The following INPP4B variants were observed in gnomAD, a reference collection of about 807,000 sequenced individuals.
The protein encoded by INPP4B is inositol polyphosphate-4-phosphatase type II B, also known as inositol polyphosphate 4-phosphatase type II.
Under a neutral mutation model 122.5 loss-of-function variants are expected in INPP4B, and 55 were observed. The observed-to-expected ratio is 0.45, with a 90% CI of 0.36 to 0.56. The LOEUF (loss-of-function observed/expected upper bound fraction) is 0.56, where lower values mean the gene tolerates loss of function less well. Ranked by LOEUF, INPP4B falls within the 20% of genes least tolerant of loss-of-function variation. The pLI is 0.00. For synonymous variants in INPP4B, 403 were observed against 388.7 expected (o/e 1.04, Z -0.43); for missense variants, 1,000 against 1,097.7 (o/e 0.91, Z 1.26).
intron 2 of INPP4B, among the ~76,000 whole-genome samples, chr4:142,467,666 G>A (rs1818049458): frequency 6.6e-6 from 1 of 152,050 alleles, no homozygotes; most frequent in African/African-American, 2.4e-5. Flanking sequence ...GAGGACTATT[G>A]GAAAGGCATG....
intron 2 of INPP4B, among the ~76,000 whole-genome samples, chr4:142,639,898 T>C (rs1056626131): frequency 1.3e-5 from 2 of 152,126 alleles, no homozygotes; most frequent in Non-Finnish European, 2.9e-5. Context: ...TACCCATGTA[T>C]CTCATCTACT....
At chr4:142,225,214 T>A (rs1851017893) in intron 12 of INPP4B, among the ~76,000 whole-genome samples, 1 of 152,172 alleles carries the variant, frequency 6.6e-6, no homozygotes, top group Admixed American at 6.5e-5. Flanking sequence ...GCTGGATGTT[T>A]CCTGCTCTCG....
chr4:142,838,905 A>C (rs1182160677), intron 1 of INPP4B, among the ~76,000 whole-genome samples: 7 of 152,248 alleles, frequency 4.6e-5, no homozygotes, highest in Non-Finnish European at 1.0e-4. Flanking sequence ...CACTCACCAC[A>C]GACTGCCCTA....
At chr4:142,722,358 A>G (rs1764800155) in intron 2 of INPP4B, among the ~76,000 whole-genome samples, 1 of 152,212 alleles carries the variant, frequency 6.6e-6, no homozygotes, top group Non-Finnish European at 1.5e-5. Context: ...CTAAGCAAAG[A>G]CAAGAATGTT....
intron 15 of INPP4B, among the ~76,000 whole-genome samples, chr4:142,192,421 C>G (rs61637657): frequency 0.059 from 8,501 of 143,954 alleles, 836 homozygotes; most frequent in African/African-American, 0.2. Flanking sequence ...GGATAATGCA[C>G]TTTATGTTTT....
chr4:142,417,041 A>G lies in INPP4B; in HGVS notation c.137-11717T>C, dbSNP rs532277362. ...AACCGAGATCAGACAACTTCGTGGGAAAGAGTAGTTCTAAGAGGATCAGTG... is the reference window on the plus strand; with the variant it reads ...AACCGAGATCAGACAACTTCGTGGGGAAGAGTAGTTCTAAGAGGATCAGTG... On this transcript the variant is annotated intron_variant, in intron 5 of 25. Coordinates refer to ENST00000262992, the MANE Select transcript of INPP4B (RefSeq NM_001101669.3). Among the ~76,000 whole-genome samples, 105 of 152,220 alleles carry G rather than the reference A, an allele frequency of 6.9e-4. 3 individuals are homozygous for G. The South Asian group carries it at 0.02, about 30-fold the overall frequency.
chr4:142,613,752 G>T (rs982874887), intron 2 of INPP4B, among the ~76,000 whole-genome samples: 4 of 152,174 alleles, frequency 2.6e-5, no homozygotes, highest in Non-Finnish European at 5.9e-5. Flanking sequence ...TGCTTGGCTA[G>T]CTTCACTTGT....
At chr4:142,594,287 C>A (rs191885269) in intron 2 of INPP4B, among the ~76,000 whole-genome samples, 99 of 152,158 alleles carry the variant, frequency 6.5e-4, no homozygotes, top group Non-Finnish European at 1.0e-4. Context: ...AATGTGTTTA[C>A]TGAGGCAAAG....
At chr4:142,030,175 C>A in intron 25 of INPP4B, 1 of 1,535,542 alleles carries the variant, frequency 6.5e-7, no homozygotes, top group Non-Finnish European at 8.7e-7. Flanking sequence ...ATAAGCCACA[C>A]AACTAGCAGG....
intron 16 of INPP4B, among the ~76,000 whole-genome samples, chr4:142,166,212 T>C (rs574849552): frequency 7.9e-5 from 12 of 151,798 alleles, no homozygotes; most frequent in Non-Finnish European, 1.8e-4. Context: ...CATTAAGGTT[T>C]ATGATCAATT....
chr4:142,387,171 G>A (rs1239949509), intron 7 of INPP4B, among the ~76,000 whole-genome samples: 1 of 152,018 alleles, frequency 6.6e-6, no homozygotes, highest in Non-Finnish European at 1.5e-5. Flanking sequence ...GGTAGTAAAT[G>A]GTAATATTGC....
intron 2 of INPP4B, among the ~76,000 whole-genome samples, chr4:142,512,548 C>A (rs1428029371): frequency 6.6e-6 from 1 of 152,132 alleles, no homozygotes; most frequent in African/African-American, 2.4e-5. Context: ...GTAAACATTA[C>A]TACTTGAGCT....
chr4:142,178,053 T>C (rs1170077031), intron 15 of INPP4B, among the ~76,000 whole-genome samples: 1 of 152,202 alleles, frequency 6.6e-6, no homozygotes, highest in Non-Finnish European at 1.5e-5. Flanking sequence ...TGGACTCCAA[T>C]GAAAACAAAA....
chr4:142,103,625 C>A (rs1176956589), intron 23 of INPP4B, among the ~76,000 whole-genome samples: 3 of 152,116 alleles, frequency 2.0e-5, no homozygotes, highest in Admixed American at 2.0e-4. Flanking sequence ...GAGGTTTAGC[C>A]TTAATATAGA....
intron 19 of INPP4B, among the ~76,000 whole-genome samples, chr4:142,124,351 G>T (rs1797788772): frequency 6.6e-6 from 1 of 152,042 alleles, no homozygotes. Context: ...CTGTGAAGCA[G>T]AATTTACATG....
intron 1 of INPP4B, among the ~76,000 whole-genome samples, chr4:142,755,161 AG>A (rs1770332269): frequency 6.6e-6 from 1 of 151,946 alleles, no homozygotes; most frequent in East Asian, 1.9e-4. Flanking sequence ...TCTTTTCTTA[AG>A]TTAGCATTGA....
intron 25 of INPP4B, among the ~76,000 whole-genome samples, chr4:142,031,438 TATC>T (rs1414048135): frequency 1.3e-5 from 2 of 152,184 alleles, no homozygotes; most frequent in Non-Finnish European, 2.9e-5. Context: ...TTTACATAAA[TATC>T]ATAATTATTT....
chr4:142,162,701 C>G (rs1285602464), intron 16 of INPP4B, among the ~76,000 whole-genome samples: 3 of 151,878 alleles, frequency 2.0e-5, no homozygotes, highest in Non-Finnish European at 4.4e-5. Flanking sequence ...GCAGAGATTC[C>G]ACTTCATTTA....
At chr4:142,221,015 C>T (rs986387126) in intron 12 of INPP4B, among the ~76,000 whole-genome samples, 24 of 152,170 alleles carry the variant, frequency 1.6e-4, no homozygotes, top group Middle Eastern at 3.4e-3. Context: ...AGGGCTTCAG[C>T]GTGTGAATTT....
Sources: allele counts gnomAD v4.1 joint callset (sites outside exome capture counted in the v4.1 genomes callset), GRCh38; gene constraint gnomAD v4.1.1; transcripts MANE v1.5; gene names NCBI Gene and HGNC (gene_info 2026-07-23, HGNC 2026-07-21).